ERP44: variants seen among roughly 807,000 people sequenced by gnomAD.
ERP44 encodes the protein endoplasmic reticulum resident protein 44.
Under a neutral mutation model 53.4 loss-of-function variants are expected in ERP44, and 25 were observed. That is an observed-to-expected ratio of 0.47 (90% confidence interval 0.34 to 0.65). The LOEUF (loss-of-function observed/expected upper bound fraction) is 0.65. ERP44 is among the 30% of genes least tolerant of loss of function. The pLI is 0.01. For synonymous variants in ERP44, 145 were observed against 161.2 expected (o/e 0.90, Z 0.76); for missense variants, 338 against 493.2 (o/e 0.69, Z 2.98).
At position 99,986,983 on chromosome 9, in the gene ERP44, GAGGGCCAA is replaced by G. The variant is rs1472806671; in HGVS notation, c.1017-1922_1017-1915del. 2.6e-5 allele frequency among the ~76,000 whole-genome samples: 4 copies of G among 152,218 alleles called. No individual in the cohort carries two copies. The East Asian group carries it at 7.7e-4, about 29-fold the overall frequency. ...TAAAGCCTCTGCTAGTTTGTTTTAT[GAGGGCCAA>G]AGATTATCACAACTAATACAGTATG... is the stretch of plus-strand genomic sequence containing the variant. On this transcript the variant is annotated intron_variant, in intron 10 of 11. Coordinates refer to ENST00000262455, the MANE Select transcript of ERP44 (RefSeq NM_015051.3).
intron 1 of ERP44, among the ~76,000 whole-genome samples, chr9:100,069,685 A>G (rs1243446306): frequency 6.6e-6 from 1 of 152,226 alleles, no homozygotes; most frequent in Admixed American, 6.5e-5. Flanking sequence ...AAGTCAAAAT[A>G]TGGTGCAGAA....
chr9:100,017,226 A>G (rs574439665), intron 7 of ERP44, among the ~76,000 whole-genome samples: 2 of 152,378 alleles, frequency 1.3e-5, no homozygotes, highest in Non-Finnish European at 2.9e-5. Flanking sequence ...TGAACATTTT[A>G]TATGTGTTGA....
At chr9:100,005,173 T>G (rs535284226) in intron 10 of ERP44, among the ~76,000 whole-genome samples, 83 of 152,326 alleles carry the variant, frequency 5.4e-4, no homozygotes, top group Admixed American at 2.2e-3. Flanking sequence ...GTCACCTTTC[T>G]CTAAGCCCCA....
In ERP44 at chr9:100,006,558, C is replaced by T. The variant is rs1334306852; in HGVS notation, c.964G>A (p.Ala322Thr). The change falls in exon 10 of 12, where the codon GCT becomes ACT. Residue 322 changes from alanine (A) to threonine (T), a missense_variant. Around this residue, in one of 3 missense-constraint regions of ERP44, gnomAD observed 113 missense variants for 172.6 expected, o/e 0.65. Coordinates refer to ENST00000262455, the MANE Select transcript of ERP44 (RefSeq NM_015051.3). ...QKTPADCPVI[A>T]IDSFRHMYVF... ...TACATATGCCTAAAGCTGTCAATAG[C>T]GATTACAGGACAATCTGCTGGAGTT... The T allele has an allele frequency of 4.3e-6, 7 of 1,610,210 alleles. No individual in the cohort carries two copies. The highest frequency in any genetic ancestry group is 4.5e-5 in the East Asian group (2 of 44,768).
In ERP44 at chr9:100,018,835, A is replaced by T. The variant is rs567888394; in HGVS notation, c.588-522T>A. The stretch of plus-strand genomic sequence containing the variant: ...ACTGATTTATCTCTAGTTTCTAACT[A>T]GAGTAGTCCAGGAGATAGAGGCAAG... On this transcript the variant is annotated intron_variant, in intron 6 of 11. Transcript: ENST00000262455. Among the ~76,000 whole-genome samples the T allele has an allele frequency of 2.0e-5, 3 of 152,302 alleles. No homozygotes were observed. The East Asian group carries it at 5.8e-4, about 29-fold the overall frequency.
At chr9:100,078,926 T>C (rs558847660) in intron 1 of ERP44, among the ~76,000 whole-genome samples, 1 of 152,212 alleles carries the variant, frequency 6.6e-6, no homozygotes, top group African/African-American at 2.4e-5. Context: ...TGTATTATGT[T>C]AGGCATAATT....
chr9:100,053,416 T>C (rs1042112038), intron 3 of ERP44, among the ~76,000 whole-genome samples: 2 of 152,206 alleles, frequency 1.3e-5, no homozygotes, highest in Non-Finnish European at 2.9e-5. Flanking sequence ...AATACAGTCA[T>C]GTGGTGTTTA....
Position 100,071,093 on chromosome 9 carries a change from GT to G in ERP44, c.58-10922del, listed in dbSNP as rs34853838. Among the ~76,000 whole-genome samples, 336 of 119,564 alleles carry G rather than the reference GT, an allele frequency of 2.8e-3. 1 individual carries two copies. The highest frequency in any genetic ancestry group is 3.8e-3 in the Non-Finnish European group (229 of 60,648). The allele number at this position is 119,564 out of a possible 152,430, so 78.4% of individuals were successfully genotyped here. ...TGTAGTATCTCCTAAATTATATAAG[GT>G]TTTTTTTTTTTTTTTTTTGAGACAA... On this transcript the variant is annotated intron_variant, in intron 1 of 11. Coordinates refer to ENST00000262455, the MANE Select transcript of ERP44 (RefSeq NM_015051.3).
intron 6 of ERP44, among the ~76,000 whole-genome samples, chr9:100,018,941 T>C (rs557182641): frequency 6.6e-6 from 1 of 152,328 alleles, no homozygotes; most frequent in Non-Finnish European, 1.5e-5. Context: ...CTATTTACTA[T>C]GTGCTTCCTT....
chr9:100,071,591 T>C (rs187003810), intron 1 of ERP44, among the ~76,000 whole-genome samples: 1 of 152,300 alleles, frequency 6.6e-6, no homozygotes, highest in Admixed American at 6.5e-5. Flanking sequence ...TTACTATATA[T>C]ATCCAAAGTA....
chr9:100,061,530 A>C (rs1826148943), intron 1 of ERP44, among the ~76,000 whole-genome samples: 1 of 142,954 alleles, frequency 7.0e-6, no homozygotes, highest in Non-Finnish European at 1.5e-5. Flanking sequence ...ATAGAAACGT[A>C]TATATTTATA....
intron 1 of ERP44, among the ~76,000 whole-genome samples, chr9:100,069,162 G>A (rs960519975): frequency 1.3e-5 from 2 of 151,762 alleles, no homozygotes; most frequent in Non-Finnish European, 2.9e-5. Flanking sequence ...GCGGAAGGCC[G>A]CAGGGTCCTC....
chr9:100,066,948 A>T (rs1333300245), intron 1 of ERP44, among the ~76,000 whole-genome samples: 2 of 152,192 alleles, frequency 1.3e-5, no homozygotes, highest in Non-Finnish European at 2.9e-5. Flanking sequence ...AGAGAGGGGA[A>T]AAATAGGACT....
chr9:100,068,819 G>A (rs963494114), intron 1 of ERP44, among the ~76,000 whole-genome samples: 7 of 152,224 alleles, frequency 4.6e-5, no homozygotes, highest in Non-Finnish European at 8.8e-5. Context: ...AACGGGCCAT[G>A]ATGACAATGG....
intron 4 of ERP44, among the ~76,000 whole-genome samples, chr9:100,043,712 G>A (rs1354548494): frequency 6.6e-5 from 10 of 151,934 alleles, no homozygotes; most frequent in South Asian, 2.1e-4. Flanking sequence ...CTGAGAACGC[G>A]CCACTGTACT....
intron 1 of ERP44, among the ~76,000 whole-genome samples, chr9:100,067,559 C>T (rs1051528870): frequency 4.3e-4 from 66 of 152,344 alleles, no homozygotes; most frequent in African/African-American, 1.4e-3. Flanking sequence ...ACCTCCCAGC[C>T]GCCTGCCTTG....
At chr9:100,026,314 G>A (rs1377733521) in intron 4 of ERP44, among the ~76,000 whole-genome samples, 1 of 152,186 alleles carries the variant, frequency 6.6e-6, no homozygotes, top group Non-Finnish European at 1.5e-5. Flanking sequence ...ACCACATGCA[G>A]CCAAGACATT....
At chr9:99,985,640 A>G (rs1024598949) in intron 10 of ERP44, among the ~76,000 whole-genome samples, 6 of 152,216 alleles carry the variant, frequency 3.9e-5, no homozygotes, top group Non-Finnish European at 8.8e-5. Context: ...CGGGTCCTTA[A>G]GGGCCTTCAC....
At chr9:100,083,595 T>G (rs1353970723) in intron 1 of ERP44, among the ~76,000 whole-genome samples, 2 of 152,184 alleles carry the variant, frequency 1.3e-5, no homozygotes, top group Non-Finnish European at 1.5e-5. Flanking sequence ...TACTTCAATT[T>G]CACTAGTACA....
Sources: gnomAD v4.1 joint callset for allele counts (sites outside exome capture counted in the v4.1 genomes callset) on GRCh38, gnomAD v4.1.1 for gene constraint, gnomAD v4.1.1 regional missense constraint, MANE v1.5 for transcripts, NCBI Gene and HGNC (gene_info 2026-07-23, HGNC 2026-07-21) for gene names.